Variants in TRDN observed in about 807,000 individuals in gnomAD.
TRDN encodes triadin, also known as triadin in skeletal muscle.
In TRDN, 161 loss-of-function variants were observed where a neutral mutation model predicts 149.7. The ratio of observed to expected loss-of-function variants is 1.08; its 90% confidence interval spans 0.95 to 1.23. The LOEUF is 1.23. TRDN is among the 50% of genes most tolerant of loss of function. TRDN has a pLI of 0.00. For synonymous variants in TRDN, 294 were observed against 250.5 expected, an observed-to-expected ratio of 1.17 and a Z score of -1.64; for missense variants, 896 against 823.5, an observed-to-expected ratio of 1.09 and a Z score of -1.08.
intron 14 of TRDN, among the ~76,000 whole-genome samples, chr6:123,384,020 A>T (rs7752828): frequency 0.36 from 54,237 of 152,000 alleles, 10,102 homozygotes; most frequent in Middle Eastern, 0.43. Context: ...AATGTGAAAA[A>T]TATTCTTGCT....
At position 123,352,394 on chromosome 6, in the gene TRDN, T is replaced by C. The variant is rs550539668; in HGVS notation, c.1369+145A>G. On this transcript the variant is annotated intron_variant, in intron 21 of 40. Coordinates refer to ENST00000334268, the MANE Select transcript of TRDN (RefSeq NM_006073.4). ...CCAGATTGCTGTCTCACATTCTCCC[T>C]GGCACAGAAAAACATGCAAGGACAG... The C allele has an allele frequency of 4.6e-5, 64 of 1,392,946 alleles. No homozygotes were observed. The South Asian group carries it at 1.1e-3, about 24-fold the overall frequency. 86.3% of individuals were successfully genotyped at this position (1,392,946 alleles called of 1,614,324 possible). A position where few individuals can be genotyped will look rare whatever the true frequency, so the allele number is the denominator to read the frequency against.
intron 33 of TRDN, 149 bp from the exon 34 acceptor site, chr6:123,260,787 A>C (rs1009522506): frequency 1.8e-5 from 11 of 611,836 alleles, no homozygotes; most frequent in Admixed American, 3.6e-5. Context: ...CAAAATGGCA[A>C]AGAAATGTAC....
chr6:123,614,262 A>G (rs1210002112), intron 1 of TRDN, among the ~76,000 whole-genome samples: 1 of 149,156 alleles, frequency 6.7e-6, no homozygotes, highest in African/African-American at 2.5e-5. Context: ...TTAACATAAG[A>G]ATGTTACCGT....
intron 38 of TRDN, among the ~76,000 whole-genome samples, chr6:123,232,202 T>C (rs903461051): frequency 8.6e-6 from 1 of 116,730 alleles, no homozygotes; most frequent in Non-Finnish European, 1.8e-5. Flanking sequence ...ACTGAGCAAA[T>C]AGACTGAAAA....
intron 24 of TRDN, among the ~76,000 whole-genome samples, chr6:123,299,895 T>C (rs1778341286): frequency 6.6e-6 from 1 of 151,998 alleles, no homozygotes. Flanking sequence ...AAAGAAGATA[T>C]AAACTAAGCA....
At chr6:123,269,746 G>T in intron 31 of TRDN, 103 bp downstream of exon 31, 1 of 1,139,308 alleles carries the variant, frequency 8.8e-7, no homozygotes, top group South Asian at 1.6e-5. Context: ...TTTAGACACA[G>T]ACAACACTGA....
At chr6:123,435,642 G>A (rs1774528291) in intron 12 of TRDN, among the ~76,000 whole-genome samples, 1 of 151,874 alleles carries the variant, frequency 6.6e-6, no homozygotes, top group Non-Finnish European at 1.5e-5. Flanking sequence ...AAGTTGAACT[G>A]ATTTGGAAAA....
At chr6:123,218,766 T>G in intron 40 of TRDN, 26 bp from the exon 41 acceptor site, 1 of 1,549,302 alleles carries the variant, frequency 6.5e-7, no homozygotes, top group Non-Finnish European at 8.7e-7. Flanking sequence ...TGACAGTTTG[T>G]TAAAACATGC....
At chr6:123,525,714 G>A (rs1481502254) in intron 5 of TRDN, among the ~76,000 whole-genome samples, 1 of 151,914 alleles carries the variant, frequency 6.6e-6, no homozygotes, top group African/African-American at 2.4e-5. Flanking sequence ...AAAAAAACTT[G>A]TATTTTTATA....
rs375313960 is a variant in TRDN at position 123,259,728 on chromosome 6, G to T, written c.1832-66C>A. 2.2e-5 allele frequency: 26 copies of T among 1,189,044 alleles called. 1 individual carries two copies. In the African/African-American group the frequency reaches 4.1e-4, roughly 19 times the overall value. 73.7% of individuals were successfully genotyped at this position (1,189,044 alleles called of 1,614,324 possible). On this transcript the variant is annotated intron_variant, in intron 34 of 40. Transcript: ENST00000334268. ...AACATGACTTTCTTACTCATTCTTGGAGTAAACAGTTGGAGATGAGACTTA... is the reference window on the plus strand; with the variant it reads ...AACATGACTTTCTTACTCATTCTTGTAGTAAACAGTTGGAGATGAGACTTA...
chr6:123,317,490 CAT>C (rs1299063557), intron 23 of TRDN, among the ~76,000 whole-genome samples: 2 of 151,844 alleles, frequency 1.3e-5, no homozygotes, highest in African/African-American at 4.8e-5. Context: ...TAAAGAATGT[CAT>C]AGACTTTTAC....
chr6:123,631,656 G>A (rs889147833), intron 1 of TRDN, among the ~76,000 whole-genome samples: 9 of 151,944 alleles, frequency 5.9e-5, no homozygotes, highest in Non-Finnish European at 1.2e-4. Flanking sequence ...TATATGTTAT[G>A]AAAATTAAAT....
At chr6:123,576,885 G>A (rs1216123152) in intron 1 of TRDN, among the ~76,000 whole-genome samples, 1 of 151,912 alleles carries the variant, frequency 6.6e-6, no homozygotes, top group Non-Finnish European at 1.5e-5. Flanking sequence ...TGGCAATTTA[G>A]GGCTTTCATG....
At chr6:123,378,560 A>G (rs1186973497) in intron 16 of TRDN, among the ~76,000 whole-genome samples, 2 of 151,604 alleles carry the variant, frequency 1.3e-5, no homozygotes, top group East Asian at 3.9e-4. Flanking sequence ...CAAGAGGTCC[A>G]CCCACCTCAG....
At chr6:123,456,693 T>G in intron 10 of TRDN, 1 of 409,384 alleles carries the variant, frequency 2.4e-6, no homozygotes, top group South Asian at 1.8e-5. Flanking sequence ...GGTCTCTAAC[T>G]CCTGAGCTGA....
intron 13 of TRDN, among the ~76,000 whole-genome samples, chr6:123,392,245 A>AT (rs2114456558): frequency 6.6e-6 from 1 of 152,198 alleles, no homozygotes; most frequent in South Asian, 2.1e-4. Context: ...GAATGGTTAA[A>AT]TGTAGTTTAA....
intron 29 of TRDN, 136 bp from the exon 30 acceptor site, chr6:123,271,322 C>T (rs1777198972): frequency 5.7e-6 from 3 of 526,060 alleles, no homozygotes; most frequent in East Asian, 3.1e-5. Flanking sequence ...ACAGCAAAAA[C>T]ATCTTCTATT....
intron 24 of TRDN, among the ~76,000 whole-genome samples, chr6:123,280,656 T>TC (rs1777549887): frequency 6.7e-6 from 1 of 150,374 alleles, no homozygotes; most frequent in African/African-American, 2.4e-5. Context: ...TTCTTTCTTT[T>TC]TTTTTTTTTT....
intron 38 of TRDN, among the ~76,000 whole-genome samples, chr6:123,242,491 C>T (rs1397941067): frequency 1.3e-5 from 2 of 151,858 alleles, no homozygotes; most frequent in Non-Finnish European, 2.9e-5. Context: ...GAATAAAAAT[C>T]AAATGAATAT....
Sources: allele counts gnomAD v4.1 joint callset (sites outside exome capture counted in the v4.1 genomes callset), GRCh38; gene constraint gnomAD v4.1.1; transcripts MANE v1.5; gene names NCBI Gene and HGNC (gene_info 2026-07-23, HGNC 2026-07-21).